MRTFB: variants seen among roughly 807,000 people sequenced by gnomAD.
MRTFB encodes myocardin related transcription factor B.
In MRTFB, 29 loss-of-function variants were observed where a neutral mutation model predicts 104.2. That is an observed-to-expected ratio of 0.28 (90% CI 0.21 to 0.38). MRTFB has a LOEUF of 0.38. Among genes scored for constraint, MRTFB ranks in the 10% least tolerant of loss-of-function variants. MRTFB has a pLI of 1.00. For synonymous variants in MRTFB, 535 were observed against 519.5 expected (o/e 1.03, Z -0.41); for missense variants, 1,270 against 1,341.6 (o/e 0.95, Z 0.83).
chr16:14,011,410 C>G, the MRTFB span, among the ~76,000 whole-genome samples: 1 of 152,166 alleles, frequency 6.6e-6, no homozygotes, highest in African/African-American at 2.4e-5. Context: ...AAGGAAAGCA[C>G]TCTGAGAAAA....
chr16:14,082,815 A>G (rs558972160), intron 2 of MRTFB, among the ~76,000 whole-genome samples: 1 of 152,104 alleles, frequency 6.6e-6, no homozygotes, highest in Non-Finnish European at 1.5e-5. Context: ...TAAAGTAAAT[A>G]AAATGACAAG....
intron 3 of MRTFB, among the ~76,000 whole-genome samples, chr16:14,194,587 G>A (rs1283621969): frequency 6.6e-6 from 1 of 152,030 alleles, no homozygotes; most frequent in African/African-American, 2.4e-5. Context: ...GTATTTTAAG[G>A]TACAAGATTT....
chr16:14,036,202 ATATAT>A, the MRTFB span, among the ~76,000 whole-genome samples: 2 of 125,548 alleles, frequency 1.6e-5, no homozygotes, highest in South Asian at 4.6e-4. Flanking sequence ...ATTATATATA[ATATAT>A]TATATAAAAT....
At chr16:14,017,208 C>T in the MRTFB span, among the ~76,000 whole-genome samples, 3 of 151,914 alleles carry the variant, frequency 2.0e-5, no homozygotes, top group Non-Finnish European at 4.4e-5. Context: ...AGGCGCCCGC[C>T]ACCACACCCG....
the MRTFB span, among the ~76,000 whole-genome samples, chr16:14,033,835 C>CAAAAAAAAA: frequency 1.1e-5 from 1 of 90,490 alleles, no homozygotes; most frequent in Admixed American, 1.1e-4. Flanking sequence ...GACTCAGTCT[C>CAAAAAAAAA]AAAAAAAAAA....
chr16:14,108,133 T>G (rs2036086512), intron 2 of MRTFB, among the ~76,000 whole-genome samples: 1 of 152,308 alleles, frequency 6.6e-6, no homozygotes, highest in Non-Finnish European at 1.5e-5. Context: ...CAGGGTCACA[T>G]GCTTCTGGGA....
chr16:14,104,893 A>G (rs979096477), intron 2 of MRTFB, among the ~76,000 whole-genome samples: 2 of 152,136 alleles, frequency 1.3e-5, no homozygotes, highest in African/African-American at 4.8e-5. Context: ...ATTGTAGCTG[A>G]GTAGTTAGAG....
In MRTFB at chr16:14,247,047, A is replaced by C; in HGVS notation, c.1787A>C (p.Glu596Ala). The C allele has an allele frequency of 6.2e-7, 1 of 1,614,218 alleles. No homozygotes were observed. Among genetic ancestry groups the C allele is most frequent in the East Asian group, 2.2e-5 (1 of 44,878 alleles). Residue 596 changes from glutamate (E) to alanine (A), a missense_variant, in exon 12 of 17, where the codon GAA becomes GCA. Glu to Ala is a moderately radical substitution (Grantham distance 107). Coordinates refer to ENST00000571589, the MANE Select transcript of MRTFB (RefSeq NM_001308142.2). ...CTGGAACAAGAGCAGAAGCTCGTGG[A>C]AGTGCTGAAAATGCAACTTGAGGTT... ...RKLEQEQKLV[E>A]VLKMQLEVEK...
intron 3 of MRTFB, among the ~76,000 whole-genome samples, chr16:14,209,194 A>G (rs2041082212): frequency 1.3e-5 from 2 of 152,224 alleles, no homozygotes; most frequent in Admixed American, 6.5e-5. Context: ...AGGAGACACC[A>G]CGTGCACTGC....
the MRTFB span, among the ~76,000 whole-genome samples, chr16:14,026,820 T>C: frequency 1.3e-5 from 2 of 152,162 alleles, no homozygotes; most frequent in African/African-American, 4.8e-5. Flanking sequence ...CTTTGGCTAT[T>C]AGGGAATTGC....
chr16:14,139,229 T>C (rs2037873640), intron 2 of MRTFB, among the ~76,000 whole-genome samples: 1 of 152,016 alleles, frequency 6.6e-6, no homozygotes, highest in South Asian at 2.1e-4. Flanking sequence ...AATAAGAAAA[T>C]AAACCACCTA....
At chr16:14,242,115 C>G (rs1002608144) in intron 10 of MRTFB, among the ~76,000 whole-genome samples, 1 of 152,010 alleles carries the variant, frequency 6.6e-6, no homozygotes, top group Non-Finnish European at 1.5e-5. Flanking sequence ...GTTATTGACC[C>G]CATTCCCAGA....
intron 3 of MRTFB, among the ~76,000 whole-genome samples, chr16:14,205,140 C>G (rs1309690028): frequency 6.6e-6 from 1 of 152,158 alleles, no homozygotes; most frequent in Non-Finnish European, 1.5e-5. Context: ...CATGGTAACT[C>G]TAGTTGTGTC....
chr16:14,219,408 T>C (rs1437485561), intron 8 of MRTFB, among the ~76,000 whole-genome samples: 1 of 152,226 alleles, frequency 6.6e-6, no homozygotes, highest in Non-Finnish European at 1.5e-5. Context: ...TCCTTTGGCT[T>C]TATAATAATT....
At chr16:14,017,454 A>G in the MRTFB span, among the ~76,000 whole-genome samples, 4 of 150,968 alleles carry the variant, frequency 2.6e-5, no homozygotes, top group Non-Finnish European at 5.9e-5. Flanking sequence ...TGATTTTATT[A>G]CTTGAGCTCT....
the MRTFB span, among the ~76,000 whole-genome samples, chr16:14,057,751 A>G: frequency 3.9e-5 from 6 of 152,096 alleles, no homozygotes; most frequent in African/African-American, 1.4e-4. Flanking sequence ...TGCCTACCAC[A>G]CTCTGGATAT....
chr16:14,256,710 G>A (rs1597392237), intron 15 of MRTFB, among the ~76,000 whole-genome samples: 3 of 152,278 alleles, frequency 2.0e-5, no homozygotes, highest in South Asian at 2.1e-4. Context: ...TGAAAGACCC[G>A]AAGCCAGAAC....
At chr16:14,247,549 A>G (rs1454225519) in intron 12 of MRTFB, 42 bp downstream of exon 12, 1 of 1,496,008 alleles carries the variant, frequency 6.7e-7, no homozygotes, top group East Asian at 2.5e-5. Flanking sequence ...TACAGCATGC[A>G]TGGAATGCAA....
At chr16:14,061,699 G>A in the MRTFB span, among the ~76,000 whole-genome samples, 3 of 151,578 alleles carry the variant, frequency 2.0e-5, no homozygotes, top group African/African-American at 4.9e-5. Context: ...AGCTAGGCAA[G>A]TAATGGAACC....
Sources: gnomAD v4.1 joint callset for allele counts (sites outside exome capture counted in the v4.1 genomes callset) on GRCh38, gnomAD v4.1.1 for gene constraint, MANE v1.5 for transcripts, NCBI Gene and HGNC (gene_info 2026-07-23, HGNC 2026-07-21) for gene names.